The following CBLB variants were observed in gnomAD, a reference collection of about 807,000 sequenced individuals.
CBLB encodes the protein Cbl proto-oncogene B.
CBLB carries 31 observed loss-of-function variants against 104.9 expected under a neutral mutation model. The ratio of observed to expected loss-of-function variants is 0.30; its 90% CI spans 0.22 to 0.40. The LOEUF (loss-of-function observed/expected upper bound fraction) is 0.40. CBLB is among the 10% of genes least tolerant of loss of function. The pLI, the probability that CBLB is intolerant of heterozygous loss-of-function variation, is 1.00. For missense variants in CBLB, 1,062 were observed against 1,214.6 expected (o/e 0.87, Z 1.87); for synonymous variants, 440 against 422.6 (o/e 1.04, Z -0.51).
intron 4 of CBLB, among the ~76,000 whole-genome samples, chr3:105,770,919 C>A (rs2078802592): frequency 6.6e-6 from 1 of 152,144 alleles, no homozygotes; most frequent in South Asian, 2.1e-4. Flanking sequence ...AAAATGCAAA[C>A]AGAGAAAGTC....
intron 10 of CBLB, among the ~76,000 whole-genome samples, chr3:105,713,695 C>T (rs949010023): frequency 3.9e-5 from 6 of 152,132 alleles, no homozygotes; most frequent in African/African-American, 7.2e-5. Flanking sequence ...CTATTTTGCA[C>T]GAAGAGCTTT....
intron 3 of CBLB, among the ~76,000 whole-genome samples, chr3:105,845,143 T>C (rs2090064181): frequency 6.6e-6 from 1 of 152,130 alleles, no homozygotes; most frequent in Non-Finnish European, 1.5e-5. Flanking sequence ...CAAAGCCAAG[T>C]TCACTTGAGT....
chr3:105,788,967 C>G (rs1389132991), intron 3 of CBLB, among the ~76,000 whole-genome samples: 1 of 152,180 alleles, frequency 6.6e-6, no homozygotes, highest in East Asian at 1.9e-4. Flanking sequence ...TGCCAAGTAC[C>G]AAATGCTAGG....
At chr3:105,780,660 G>GTTTGT (rs2080107206) in intron 3 of CBLB, among the ~76,000 whole-genome samples, 2 of 94,018 alleles carry the variant, frequency 2.1e-5, no homozygotes, top group Admixed American at 3.1e-4. Flanking sequence ...TTTGTTTTTT[G>GTTTGT]TTTTTTTTTT....
At chr3:105,765,766 T>A (rs972516698) in intron 4 of CBLB, among the ~76,000 whole-genome samples, 2 of 152,324 alleles carry the variant, frequency 1.3e-5, no homozygotes, top group East Asian at 3.9e-4. Flanking sequence ...TACTGCTCAT[T>A]GGCAATGCCC....
chr3:105,669,008 T>C (rs994091366), intron 18 of CBLB, among the ~76,000 whole-genome samples: 2 of 152,078 alleles, frequency 1.3e-5, no homozygotes, highest in African/African-American at 2.4e-5. Context: ...GATATTTGCA[T>C]TTAGTTTAAT....
chr3:105,869,022 C>G, upstream of CBLB: 4 of 1,004,284 alleles, frequency 4.0e-6, no homozygotes, highest in Non-Finnish European at 4.9e-6. Flanking sequence ...CACCCCACCC[C>G]TGTGGCACAC....
At chr3:105,707,189 C>A (rs2070287775) in intron 10 of CBLB, among the ~76,000 whole-genome samples, 1 of 152,174 alleles carries the variant, frequency 6.6e-6, no homozygotes, top group Non-Finnish European at 1.5e-5. Context: ...CTTTTAGATA[C>A]TTCCAGACGA....
At position 105,854,267 on chromosome 3, in the gene CBLB, A is replaced by G. The variant is rs182406957; in HGVS notation, c.169-603T>C. Among the ~76,000 whole-genome samples the G allele has an allele frequency of 1.9e-3, 290 of 152,324 alleles. No individual in the cohort carries two copies. The Middle Eastern group carries it at 0.034, about 18-fold the overall frequency. On this transcript the variant is annotated intron_variant, in intron 2 of 18. Coordinates refer to ENST00000394030, the MANE Select transcript of CBLB (RefSeq NM_170662.5). ...TGGCATATAACGGTTCAGTCATCCC[A>G]TCACAGGTGCTGCCCAACCACTGGG...
chr3:105,780,287 A>G (rs1425241188), intron 3 of CBLB, among the ~76,000 whole-genome samples: 1 of 152,138 alleles, frequency 6.6e-6, no homozygotes, highest in East Asian at 1.9e-4. Flanking sequence ...AATTTTTTCT[A>G]TTACGTAATT....
chr3:105,769,962 G>T (rs1341778487), intron 4 of CBLB, among the ~76,000 whole-genome samples: 1 of 152,042 alleles, frequency 6.6e-6, no homozygotes, highest in African/African-American at 2.4e-5. Flanking sequence ...TTGAAGAAGA[G>T]AATTTTATGT....
intron 3 of CBLB, among the ~76,000 whole-genome samples, chr3:105,821,260 A>ATCTATC (rs1553834227): frequency 4.0e-5 from 6 of 149,402 alleles, no homozygotes; most frequent in African/African-American, 7.4e-5. Context: ...ATCTATATCT[A>ATCTATC]TATCTATCTA....
chr3:105,847,428 A>ACACC lies in CBLB; in HGVS notation c.419+5985_419+5986insGGTG, dbSNP rs373356636. On this transcript the variant is annotated intron_variant, in intron 3 of 18. Coordinates refer to ENST00000394030, the MANE Select transcript of CBLB (RefSeq NM_170662.5). The stretch of plus-strand genomic sequence containing the variant: ...CACACACACACACACACACACACAC[A>ACACC]CCCCATTTTGTCATTTATTTTTTCT... Among the ~76,000 whole-genome samples the ACACC allele has an allele frequency of 6.4e-3, 933 of 146,472 alleles. 12 individuals are homozygous for ACACC. The highest frequency in any genetic ancestry group is 0.023 in the African/African-American group (895 of 39,110).
intron 1 of CBLB, 75 bp from the exon 2 acceptor site, chr3:105,867,666 AACTTGTACC>A: frequency 1.6e-6 from 2 of 1,264,084 alleles, no homozygotes; most frequent in Admixed American, 3.6e-5. Context: ...ACTAGAGACT[AACTTGTACC>A]ACTGCATCTT....
rs2063322300 is a variant in CBLB at position 105,656,087 on chromosome 3, CA to C, written c.*2882del. On this transcript the variant is annotated 3_prime_UTR_variant, in exon 19 of 19. Coordinates refer to ENST00000394030, the MANE Select transcript of CBLB (RefSeq NM_170662.5). ...AAGTTAAGCAAAAACTGCTTTTATT[CA>C]ATTCTAGAAAAATTTGGTGAGATAT... The C allele has an allele frequency of 4.5e-6, 1 of 222,394 alleles. No individual in the cohort carries two copies. The highest frequency in any genetic ancestry group is 9.0e-6 in the Non-Finnish European group (1 of 111,338). The allele number at this position is 222,394 out of a possible 1,614,324, so 13.8% of individuals were successfully genotyped here.
intron 13 of CBLB, among the ~76,000 whole-genome samples, chr3:105,687,285 C>G (rs573547251): frequency 3.3e-5 from 5 of 152,204 alleles, no homozygotes; most frequent in African/African-American, 1.2e-4. Flanking sequence ...CAGGTTCCCT[C>G]CAAAGATTTA....
intron 5 of CBLB, among the ~76,000 whole-genome samples, chr3:105,747,234 T>C (rs939937203): frequency 6.6e-6 from 1 of 152,196 alleles, no homozygotes; most frequent in African/African-American, 2.4e-5. Flanking sequence ...CTATCTGATG[T>C]GCCAGATTAT....
At chr3:105,690,225 G>T (rs1020272427) in intron 13 of CBLB, among the ~76,000 whole-genome samples, 2 of 152,160 alleles carry the variant, frequency 1.3e-5, no homozygotes, top group East Asian at 1.9e-4. Flanking sequence ...TGGTAGGAAT[G>T]CGTAATTTTG....
intron 4 of CBLB, among the ~76,000 whole-genome samples, chr3:105,754,874 G>GT (rs1432272726): frequency 6.6e-6 from 1 of 152,088 alleles, no homozygotes; most frequent in African/African-American, 2.4e-5. Context: ...TAAAGTGATA[G>GT]TTCTGTTCAT....
Sources: allele counts gnomAD v4.1 joint callset (sites outside exome capture counted in the v4.1 genomes callset), GRCh38; gene constraint gnomAD v4.1.1; transcripts MANE v1.5; gene names NCBI Gene and HGNC (gene_info 2026-07-23, HGNC 2026-07-21).